The following BICC1 variants were observed in gnomAD, a reference collection of about 807,000 sequenced individuals.
BICC1 encodes protein bicaudal C homolog 1.
A neutral mutation model predicts 111.0 loss-of-function variants in BICC1; 43 were observed. That is an observed-to-expected ratio of 0.39 (90% CI 0.30 to 0.50). The LOEUF (loss-of-function observed/expected upper bound fraction) is 0.50. BICC1 is among the 20% of genes least tolerant of loss of function. The probability of loss-of-function intolerance (pLI) is 0.88; values close to 1 mark genes in which losing one functional copy is unlikely to be tolerated. For missense variants in BICC1, 1,091 were observed against 1,203.2 expected (o/e 0.91, Z 1.38); for synonymous variants, 467 against 434.4 (o/e 1.07, Z -0.93).
intron 2 of BICC1, among the ~76,000 whole-genome samples, chr10:58,635,748 T>A (rs898915465): frequency 6.6e-6 from 1 of 152,208 alleles, no homozygotes; most frequent in African/African-American, 2.4e-5. Context: ...AGCCTTTCTC[T>A]TGTCAACCAG....
chr10:58,525,658 C>G (rs559722997), intron 1 of BICC1, among the ~76,000 whole-genome samples: 17 of 147,280 alleles, frequency 1.2e-4, no homozygotes, highest in Non-Finnish European at 2.0e-4. Flanking sequence ...CACATGTATA[C>G]ATATGTAACT....
chr10:58,680,146 C>T (rs1839471860), intron 2 of BICC1, among the ~76,000 whole-genome samples: 1 of 152,052 alleles, frequency 6.6e-6, no homozygotes, highest in African/African-American at 2.4e-5. Context: ...CCCTTCGTCA[C>T]CATTCCTGTG....
chr10:58,633,181 C>T (rs981048437), intron 2 of BICC1, among the ~76,000 whole-genome samples: 5 of 152,186 alleles, frequency 3.3e-5, no homozygotes, highest in African/African-American at 1.2e-4. Flanking sequence ...CCTGCACAAG[C>T]CCTGTAAGAC....
At chr10:58,638,045 A>T (rs1279824200) in intron 2 of BICC1, among the ~76,000 whole-genome samples, 1 of 152,188 alleles carries the variant, frequency 6.6e-6, no homozygotes, top group Non-Finnish European at 1.5e-5. Flanking sequence ...AAAGTTTCTA[A>T]TACTAAATGA....
intron 2 of BICC1, among the ~76,000 whole-genome samples, chr10:58,663,075 T>C (rs1838894726): frequency 6.8e-6 from 1 of 147,384 alleles, no homozygotes; most frequent in Non-Finnish European, 1.5e-5. Context: ...TCTTTTTTTT[T>C]TTTTTTTTTG....
chr10:58,592,448 C>T (rs187808261), intron 1 of BICC1, among the ~76,000 whole-genome samples: 1 of 152,250 alleles, frequency 6.6e-6, no homozygotes, highest in East Asian at 1.9e-4. Flanking sequence ...CGCAATGGCT[C>T]AGACCTGTAT....
chr10:58,534,746 T>G (rs79145980), intron 1 of BICC1, among the ~76,000 whole-genome samples: 2 of 151,698 alleles, frequency 1.3e-5, no homozygotes, highest in South Asian at 4.1e-4. Flanking sequence ...AAACCAAGAT[T>G]AAATCTTTGA....
At chr10:58,597,112 A>G (rs751897190) in intron 1 of BICC1, among the ~76,000 whole-genome samples, 3 of 152,184 alleles carry the variant, frequency 2.0e-5, no homozygotes, top group South Asian at 2.1e-4. Flanking sequence ...TCTATTTTCT[A>G]TAAGTGTCAG....
chr10:58,547,359 G>T (rs1013576898), intron 1 of BICC1, among the ~76,000 whole-genome samples: 1 of 152,136 alleles, frequency 6.6e-6, no homozygotes, highest in Non-Finnish European at 1.5e-5. Context: ...GTTGGGATCT[G>T]TCTGATGTTT....
intron 3 of BICC1, among the ~76,000 whole-genome samples, chr10:58,769,260 CAG>C (rs1842543801): frequency 7.1e-6 from 1 of 141,644 alleles, no homozygotes; most frequent in African/African-American, 2.6e-5. Context: ...AATTTGCTAA[CAG>C]GGTAGATTTT....
At chr10:58,659,807 T>C (rs1000374697) in intron 2 of BICC1, among the ~76,000 whole-genome samples, 2 of 152,020 alleles carry the variant, frequency 1.3e-5, no homozygotes, top group Non-Finnish European at 2.9e-5. Flanking sequence ...TTGGTGAAAA[T>C]TTCAGAGAGT....
intron 20 of BICC1, among the ~76,000 whole-genome samples, chr10:58,826,349 C>T (rs1431168171): frequency 2.6e-5 from 4 of 152,158 alleles, no homozygotes; most frequent in South Asian, 4.2e-4. Context: ...TTCCCAGACA[C>T]GGTTAAGAAA....
In BICC1 at chr10:58,593,941, A is replaced by G. The variant is rs183448270; in HGVS notation, c.191-26914A>G. ...ACAGACTCCTCCAAGCTAAAGGAGC[A>G]TGTTCTAACCCAATGCAGGGAAGCT... is the stretch of plus-strand genomic sequence containing the variant. On this transcript the variant is annotated intron_variant, in intron 1 of 20. Coordinates refer to ENST00000373886, the MANE Select transcript of BICC1 (RefSeq NM_001080512.3). Among the ~76,000 whole-genome samples, 13 of 152,168 alleles carry G rather than the reference A, an allele frequency of 8.5e-5. No homozygotes were observed. The East Asian group carries it at 2.5e-3, about 30-fold the overall frequency.
At chr10:58,724,854 C>A (rs1018799153) in intron 3 of BICC1, among the ~76,000 whole-genome samples, 1 of 152,182 alleles carries the variant, frequency 6.6e-6, no homozygotes, top group Non-Finnish European at 1.5e-5. Context: ...GATTACTCAT[C>A]ATGGTGGAGT....
At chr10:58,590,993 A>G (rs1844595805) in intron 1 of BICC1, among the ~76,000 whole-genome samples, 1 of 152,118 alleles carries the variant, frequency 6.6e-6, no homozygotes, top group African/African-American at 2.4e-5. Context: ...GATCTTTTCT[A>G]CTAGTTCCCC....
chr10:58,556,644 T>C (rs1843456324), intron 1 of BICC1, among the ~76,000 whole-genome samples: 1 of 152,050 alleles, frequency 6.6e-6, no homozygotes, highest in Admixed American at 6.6e-5. Context: ...TAACATCACT[T>C]ACAATATTAT....
chr10:58,693,671 G>A (rs1839981404), intron 2 of BICC1, among the ~76,000 whole-genome samples: 1 of 152,072 alleles, frequency 6.6e-6, no homozygotes, highest in South Asian at 2.1e-4. Flanking sequence ...TTTGAGAAGT[G>A]TCTGTTCATA....
chr10:58,808,956 C>T (rs558569434), intron 17 of BICC1, among the ~76,000 whole-genome samples: 1 of 152,170 alleles, frequency 6.6e-6, no homozygotes, highest in South Asian at 2.1e-4. Context: ...CTCAGGTGAT[C>T]TGCCCACCTC....
chr10:58,830,919 T>C lies in BICC1; in HGVS notation c.*2028T>C, dbSNP rs780626000. Reference sequence around the variant, plus strand: ...CAACTCAGTACTCTAAATGTTGTTATGCTTTTAATAAGACCTTCCCAGATA... The same window carrying C: ...CAACTCAGTACTCTAAATGTTGTTACGCTTTTAATAAGACCTTCCCAGATA... On this transcript the variant is annotated 3_prime_UTR_variant, in exon 21 of 21. Transcript: ENST00000373886. 6.6e-6 allele frequency: 1 copy of C among 152,250 alleles called. No homozygotes were observed. The highest frequency in any genetic ancestry group is 1.5e-5 in the Non-Finnish European group (1 of 68,050). 9.4% of individuals were successfully genotyped at this position (152,250 alleles called of 1,614,324 possible).
Sources: allele counts gnomAD v4.1 joint callset (sites outside exome capture counted in the v4.1 genomes callset), GRCh38; gene constraint gnomAD v4.1.1; transcripts MANE v1.5; gene names NCBI Gene and HGNC (gene_info 2026-07-23, HGNC 2026-07-21).